ABCC4: variants seen among roughly 807,000 people sequenced by gnomAD.
ABCC4 encodes ATP-binding cassette sub-family C member 4.
Under a neutral mutation model 168.5 loss-of-function variants are expected in ABCC4, and 102 were observed. That is an observed-to-expected ratio of 0.61 (90% CI 0.52 to 0.71). The LOEUF is 0.71. Among genes scored for constraint, ABCC4 ranks in the 30% least tolerant of loss-of-function variants. The pLI is 0.00. For synonymous variants in ABCC4, 617 were observed against 590.7 expected (o/e 1.04, Z -0.65); for missense variants, 1,402 against 1,605.8 (o/e 0.87, Z 2.17).
intron 1 of ABCC4, 104 bp from the exon 2 acceptor site, chr13:95,247,857 C>G: frequency 1.3e-6 from 1 of 771,338 alleles, no homozygotes; most frequent in Non-Finnish European, 2.2e-6. Context: ...AAAATACATA[C>G]AGCTATATAT....
intron 9 of ABCC4, among the ~76,000 whole-genome samples, chr13:95,190,782 T>C (rs1488507133): frequency 6.6e-6 from 1 of 152,220 alleles, no homozygotes; most frequent in Non-Finnish European, 1.5e-5. Flanking sequence ...ATAATCTTCG[T>C]CTGAATTTCT....
intron 27 of ABCC4, among the ~76,000 whole-genome samples, chr13:95,046,661 G>A (rs895266952): frequency 6.6e-6 from 1 of 152,064 alleles, no homozygotes; most frequent in African/African-American, 2.4e-5. Context: ...CCATTAGGAG[G>A]CTGAGGCAGG....
At chr13:95,170,706 G>A (rs1486201178) in intron 13 of ABCC4, 78 bp from the exon 14 acceptor site, 17 of 839,620 alleles carry the variant, frequency 2.0e-5, no homozygotes, top group South Asian at 4.9e-5. Flanking sequence ...TTTTGAAACC[G>A]TAGTCAAAGA....
chr13:95,140,876 A>G (rs1203297536), intron 19 of ABCC4, among the ~76,000 whole-genome samples: 4 of 152,196 alleles, frequency 2.6e-5, no homozygotes, highest in Admixed American at 6.5e-5. Flanking sequence ...ATCTCCTAAG[A>G]GCTATATTGC....
chr13:95,266,576 A>T (rs1158066787), intron 1 of ABCC4, among the ~76,000 whole-genome samples: 1 of 152,240 alleles, frequency 6.6e-6, no homozygotes, highest in African/African-American at 2.4e-5. Flanking sequence ...CATATGGCAG[A>T]CATGTAGCTG....
chr13:95,078,858 A>G (rs983676244), intron 21 of ABCC4, among the ~76,000 whole-genome samples: 24 of 152,268 alleles, frequency 1.6e-4, no homozygotes, highest in Non-Finnish European at 3.1e-4. Context: ...AGAGTCCTGG[A>G]ATGAAATTCT....
chr13:95,185,531 T>A (rs2139616058), intron 11 of ABCC4, among the ~76,000 whole-genome samples: 1 of 152,314 alleles, frequency 6.6e-6, no homozygotes, highest in Non-Finnish European at 1.5e-5. Context: ...AATTACTCAT[T>A]CCTCACAAAC....
intron 27 of ABCC4, among the ~76,000 whole-genome samples, chr13:95,050,270 T>G (rs2032771521): frequency 6.6e-6 from 1 of 152,240 alleles, no homozygotes; most frequent in African/African-American, 2.4e-5. Context: ...GAAGAATTCC[T>G]GACCTATCAG....
intron 9 of ABCC4, among the ~76,000 whole-genome samples, chr13:95,190,895 C>G (rs752634902): frequency 6.6e-6 from 1 of 152,130 alleles, no homozygotes; most frequent in Non-Finnish European, 1.5e-5. Flanking sequence ...TTCTTCTGCA[C>G]GACACACTTT....
At chr13:95,272,824 G>C (rs1270702033) in intron 1 of ABCC4, among the ~76,000 whole-genome samples, 1 of 152,166 alleles carries the variant, frequency 6.6e-6, no homozygotes, top group Non-Finnish European at 1.5e-5. Flanking sequence ...GGAGGCAGAG[G>C]TTGCAGTGAG....
At chr13:95,062,013 G>C (rs1170351978) in intron 26 of ABCC4, among the ~76,000 whole-genome samples, 1 of 152,150 alleles carries the variant, frequency 6.6e-6, no homozygotes, top group Non-Finnish European at 1.5e-5. Context: ...TAGAATCAGA[G>C]TCCGGGAAAG....
intron 1 of ABCC4, among the ~76,000 whole-genome samples, chr13:95,277,631 G>A (rs536753827): frequency 6.6e-6 from 1 of 152,006 alleles, no homozygotes; most frequent in African/African-American, 2.4e-5. Flanking sequence ...TAGTGAATGG[G>A]GGCGTTTACT....
chr13:95,164,807 G>T (rs1261523285), intron 15 of ABCC4, among the ~76,000 whole-genome samples: 1 of 152,092 alleles, frequency 6.6e-6, no homozygotes, highest in African/African-American at 2.4e-5. Flanking sequence ...CAATTATCCT[G>T]CCTCAGCCTC....
chr13:95,051,428 G>C (rs1418286378), intron 27 of ABCC4, among the ~76,000 whole-genome samples: 2 of 152,174 alleles, frequency 1.3e-5, no homozygotes, highest in Admixed American at 6.5e-5. Context: ...GAGTGCAGTG[G>C]TGCAATCATG....
intron 16 of ABCC4, among the ~76,000 whole-genome samples, chr13:95,164,058 G>A (rs59164856): frequency 0.2 from 21,089 of 103,806 alleles, 2,266 homozygotes; most frequent in African/African-American, 0.33. Flanking sequence ...AAAAAAAAAA[G>A]AAAGAAAGAA....
At position 95,166,157 on chromosome 13, in the gene ABCC4, C is replaced by T. The variant is rs372399293; in HGVS notation, c.2034+1G>A. The T allele has an allele frequency of 1.2e-6, 2 of 1,613,146 alleles. No homozygotes were observed. The highest frequency in any genetic ancestry group is 2.7e-5 in the African/African-American group (2 of 74,914). On this transcript the variant is annotated splice_donor_variant, in intron 15 of 30. Coordinates refer to ENST00000645237, the MANE Select transcript of ABCC4 (RefSeq NM_005845.5). LOFTEE classifies it high-confidence loss of function. Reference sequence around the variant, plus strand: ...CATGTTGTAACAGGAGGTGAACTCACATCTTGGCTCTCCAGAGCACCATCT... The same window carrying T: ...CATGTTGTAACAGGAGGTGAACTCATATCTTGGCTCTCCAGAGCACCATCT...
At chr13:95,296,324 A>C (rs533625046) in intron 1 of ABCC4, among the ~76,000 whole-genome samples, 1 of 120,138 alleles carries the variant, frequency 8.3e-6, no homozygotes, top group South Asian at 2.6e-4. Context: ...TCTCTACAAG[A>C]AAAATATTTT....
intron 27 of ABCC4, among the ~76,000 whole-genome samples, chr13:95,049,974 T>G (rs1272518073): frequency 1.3e-5 from 2 of 152,160 alleles, no homozygotes; most frequent in Admixed American, 1.3e-4. Context: ...TTGTCTGCTT[T>G]AAAGGGGGTT....
At chr13:95,289,025 T>C (rs1200146750) in intron 1 of ABCC4, among the ~76,000 whole-genome samples, 1 of 152,138 alleles carries the variant, frequency 6.6e-6, no homozygotes, top group Non-Finnish European at 1.5e-5. Context: ...CCTGCTACTA[T>C]TTAAAACAAG....
Sources: gnomAD v4.1 joint callset for allele counts (sites outside exome capture counted in the v4.1 genomes callset) on GRCh38, gnomAD v4.1.1 for gene constraint, MANE v1.5 for transcripts, NCBI Gene and HGNC (gene_info 2026-07-23, HGNC 2026-07-21) for gene names.